Variants in G3BP1 observed in about 807,000 individuals in gnomAD.
G3BP1 encodes ras GTPase-activating protein-binding protein 1.
In G3BP1, 35 loss-of-function variants were observed where a neutral mutation model predicts 58.6. The ratio of observed to expected loss-of-function variants is 0.60; its 90% CI spans 0.46 to 0.79. G3BP1 has a LOEUF of 0.79. Ranked by LOEUF, G3BP1 falls within the 30% of genes least tolerant of loss-of-function variation. G3BP1 has a pLI of 0.00. For missense variants in G3BP1, 523 were observed against 580.8 expected, an observed-to-expected ratio of 0.90 and a Z score of 1.02; for synonymous variants, 191 against 195.4, an observed-to-expected ratio of 0.98 and a Z score of 0.19.
At chr5:151,798,788 G>A (rs572612943) in intron 7 of G3BP1, among the ~76,000 whole-genome samples, 2 of 152,226 alleles carry the variant, frequency 1.3e-5, no homozygotes, top group East Asian at 3.9e-4. Flanking sequence ...AATATAGTGA[G>A]ACTTCATCTC....
intron 2 of G3BP1, among the ~76,000 whole-genome samples, chr5:151,788,433 CTG>C (rs1762588592): frequency 6.6e-6 from 1 of 151,524 alleles, no homozygotes; most frequent in African/African-American, 2.4e-5. Flanking sequence ...CAGTCTTACT[CTG>C]TTGCCCAGGC....
In G3BP1 at chr5:151,795,054, G is replaced by A. The variant is rs147817887; in HGVS notation, c.443-425G>A. ...GCACTTTGGGAGGCCCAGGCGGGCA[G>A]ATCACGAGGTCAGGAGATCGAGGCC... On this transcript the variant is annotated intron_variant, in intron 5 of 11. Coordinates refer to ENST00000356245, the MANE Select transcript of G3BP1 (RefSeq NM_005754.3). Among the ~76,000 whole-genome samples, 1,318 of 152,238 alleles carry A rather than the reference G, an allele frequency of 8.7e-3. 16 individuals carry two copies. The highest frequency in any genetic ancestry group is 0.03 in the African/African-American group (1,265 of 41,484).
Position 151,811,000 on chromosome 5 carries a change from CTTCT to C in G3BP1, c.*6913_*6916del, listed in dbSNP as rs1199733051. 1 of 152,132 alleles carries C rather than the reference CTTCT, an allele frequency of 6.6e-6. No individual in the cohort carries two copies. Among genetic ancestry groups the C allele is most frequent in the Admixed American group, 6.5e-5 (1 of 15,272 alleles). 9.4% of individuals were successfully genotyped at this position (152,132 alleles called of 1,614,324 possible). A position where few individuals can be genotyped will look rare whatever the true frequency, so the allele number is the denominator to read the frequency against. On this transcript the variant is annotated 3_prime_UTR_variant, in exon 12 of 12. Coordinates refer to ENST00000356245, the MANE Select transcript of G3BP1 (RefSeq NM_005754.3). ...TTCATTTCTTTGCAAAAACTTGTTCCTTCTTTCAGTTCATGACATCATCCATGCT... is the reference window on the plus strand; with the variant it reads ...TTCATTTCTTTGCAAAAACTTGTTCCTTCAGTTCATGACATCATCCATGCT...
intron 7 of G3BP1, among the ~76,000 whole-genome samples, chr5:151,798,387 G>T (rs527347786): frequency 6.6e-6 from 1 of 152,208 alleles, no homozygotes; most frequent in South Asian, 2.1e-4. Flanking sequence ...AAAGTAGGTT[G>T]GCTGGACCAG....
Position 151,797,395 on chromosome 5 carries a change from A to G in G3BP1, c.708A>G (p.Ala236=). Residue 236 remains alanine, a synonymous_variant, in exon 7 of 12, where the codon GCA becomes GCG. Coordinates refer to ENST00000356245, the MANE Select transcript of G3BP1 (RefSeq NM_005754.3). ...DAQKSSSPAP[A]DIAQTVQEDL... ...AGAAGAGTTCTTCTCCAGCACCTGC[A>G]GACATAGCTCAGACAGTACAGGAAG... The G allele has an allele frequency of 6.2e-7, 1 of 1,612,848 alleles. No homozygotes were observed.
intron 11 of G3BP1, among the ~76,000 whole-genome samples, chr5:151,801,963 C>G (rs57637894): frequency 6.6e-6 from 1 of 151,972 alleles, no homozygotes; most frequent in Non-Finnish European, 1.5e-5. Context: ...TACAGGCACC[C>G]GCCACCATGC....
rs186287186 is a variant in G3BP1 at position 151,811,741 on chromosome 5, A to G, written c.*7650A>G. The G allele has an allele frequency of 1.3e-5, 2 of 152,336 alleles. No homozygotes were observed. The highest frequency in any genetic ancestry group is 4.8e-5 in the African/African-American group (2 of 41,580). The allele number at this position is 152,336 out of a possible 1,614,324, so 9.4% of individuals were successfully genotyped here. A position where few individuals can be genotyped will look rare whatever the true frequency, so the allele number is the denominator to read the frequency against. ...ATTAGTTGTTCAAGGTTGAGTGTCC[A>G]GTAAGAAGTAAAAATGTTACATTAA... On this transcript the variant is annotated 3_prime_UTR_variant, in exon 12 of 12. Coordinates refer to ENST00000356245, the MANE Select transcript of G3BP1 (RefSeq NM_005754.3).
intron 1 of G3BP1, among the ~76,000 whole-genome samples, chr5:151,779,046 T>TA (rs200862248): frequency 3.0e-3 from 439 of 144,564 alleles, no homozygotes; most frequent in Middle Eastern, 0.011. Context: ...AGATTCCTTC[T>TA]AAAAAAAAAA....
chr5:151,795,022 A>C (rs1215763492), intron 5 of G3BP1, among the ~76,000 whole-genome samples: 1 of 152,218 alleles, frequency 6.6e-6, no homozygotes, highest in African/African-American at 2.4e-5. Context: ...TCACGCCTGT[A>C]ATTCCAGCAC....
intron 10 of G3BP1, among the ~76,000 whole-genome samples, 195 bp from the exon 11 acceptor site, chr5:151,800,565 A>G (rs1250708902): frequency 1.3e-5 from 2 of 152,174 alleles, no homozygotes; most frequent in Non-Finnish European, 2.9e-5. Flanking sequence ...ACACTTTTTC[A>G]TAATCTTTGA....
intron 3 of G3BP1, among the ~76,000 whole-genome samples, chr5:151,790,645 A>G (rs901523391): frequency 6.6e-6 from 1 of 152,218 alleles, no homozygotes; most frequent in African/African-American, 2.4e-5. Flanking sequence ...AATTGGCTTT[A>G]GCATGGGGAT....
chr5:151,793,187 C>T lies in G3BP1; in HGVS notation c.352-972C>T, dbSNP rs116262629. The stretch of plus-strand genomic sequence containing the variant: ...GCAGAGGTGCAGTCTGGGCTTACTG[C>T]ACCCTCCACCTCCCGGGTTCAAGCA... On this transcript the variant is annotated intron_variant, in intron 4 of 11. Coordinates refer to ENST00000356245, the MANE Select transcript of G3BP1 (RefSeq NM_005754.3). Among the ~76,000 whole-genome samples the T allele has an allele frequency of 6.5e-3, 989 of 152,258 alleles. 11 individuals carry two copies. The highest frequency in any genetic ancestry group is 0.022 in the African/African-American group (922 of 41,544).
At chr5:151,778,517 C>G (rs148243238) in intron 1 of G3BP1, among the ~76,000 whole-genome samples, 1 of 152,138 alleles carries the variant, frequency 6.6e-6, no homozygotes, top group Non-Finnish European at 1.5e-5. Context: ...TCTCTGCTCA[C>G]TACAACCTCT....
At chr5:151,799,710 A>G (rs1034156386) in intron 8 of G3BP1, among the ~76,000 whole-genome samples, 179 bp from the exon 9 acceptor site, 6 of 152,186 alleles carry the variant, frequency 3.9e-5, no homozygotes, top group South Asian at 2.1e-4. Flanking sequence ...ACCCAAATCA[A>G]TGTAGAAACA....
intron 4 of G3BP1, 56 bp from the exon 5 acceptor site, chr5:151,794,103 G>A: frequency 9.9e-7 from 1 of 1,005,648 alleles, no homozygotes; most frequent in Non-Finnish European, 1.6e-6. Flanking sequence ...GGTGTAGAGT[G>A]ATTTGACTTT....
At chr5:151,773,326 A>T (rs903847857) in intron 1 of G3BP1, among the ~76,000 whole-genome samples, 6 of 119,162 alleles carry the variant, frequency 5.0e-5, no homozygotes, top group Non-Finnish European at 7.2e-5. Flanking sequence ...GCCCAGTTAC[A>T]GTATACTATT....
intron 10 of G3BP1, 63 bp from the exon 11 acceptor site, chr5:151,800,697 T>G: frequency 1.0e-6 from 1 of 978,424 alleles, no homozygotes; most frequent in Non-Finnish European, 1.7e-6. Context: ...TATTGGACTG[T>G]GTACATGTAA....
intron 1 of G3BP1, among the ~76,000 whole-genome samples, chr5:151,786,181 A>G (rs947848103): frequency 2.6e-5 from 4 of 152,126 alleles, no homozygotes; most frequent in African/African-American, 9.7e-5. Context: ...CCCAGCTACT[A>G]TGGAGGCTGA....
In G3BP1 at chr5:151,810,665, G is replaced by A. The variant is rs892735481; in HGVS notation, c.*6574G>A. 1.3e-5 allele frequency: 2 copies of A among 152,212 alleles called. No individual in the cohort carries two copies. The highest frequency in any genetic ancestry group is 4.8e-5 in the African/African-American group (2 of 41,448). The allele number at this position is 152,212 out of a possible 1,614,324, so 9.4% of individuals were successfully genotyped here. ...AGTTCATCTCTGTATTCCACCAGAA[G>A]GTACAGTGACTCATAACTAGAGTCT... On this transcript the variant is annotated 3_prime_UTR_variant, in exon 12 of 12. Coordinates refer to ENST00000356245, the MANE Select transcript of G3BP1 (RefSeq NM_005754.3).
Sources: allele counts gnomAD v4.1 joint callset (sites outside exome capture counted in the v4.1 genomes callset), GRCh38; gene constraint gnomAD v4.1.1; transcripts MANE v1.5; gene names NCBI Gene and HGNC (gene_info 2026-07-23, HGNC 2026-07-21).